Variants in QKI observed in about 807,000 individuals in gnomAD.
QKI encodes QKI, KH domain containing RNA binding.
In QKI, 10 loss-of-function variants were observed where a neutral mutation model predicts 39.0. That is an observed-to-expected ratio of 0.26 (90% CI 0.16 to 0.43). The LOEUF (loss-of-function observed/expected upper bound fraction) is 0.43, where lower values mean the gene tolerates loss of function less well. Ranked by LOEUF, QKI falls within the 20% of genes least tolerant of loss-of-function variation. The probability of loss-of-function intolerance (pLI) is 1.00; values close to 1 mark genes in which losing one functional copy is unlikely to be tolerated. For missense variants in QKI, 218 were observed against 428.0 expected, an observed-to-expected ratio of 0.51 and a Z score of 4.33; for synonymous variants, 204 against 155.4, an observed-to-expected ratio of 1.31 and a Z score of -2.33.
intron 4 of QKI, among the ~76,000 whole-genome samples, chr6:163,545,473 C>T (rs189985037): frequency 1.3e-5 from 2 of 152,218 alleles, no homozygotes; most frequent in East Asian, 3.9e-4. Flanking sequence ...AATCATTGAG[C>T]AGCTATATAA....
At chr6:163,547,850 C>T (rs1162971830) in intron 4 of QKI, among the ~76,000 whole-genome samples, 1 of 152,118 alleles carries the variant, frequency 6.6e-6, no homozygotes, top group Non-Finnish European at 1.5e-5. Context: ...GAGGCCAAAA[C>T]TATCTTTTTA....
intron 3 of QKI, among the ~76,000 whole-genome samples, chr6:163,488,731 G>T (rs980252559): frequency 6.6e-6 from 1 of 152,064 alleles, no homozygotes; most frequent in Non-Finnish European, 1.5e-5. Flanking sequence ...TGTAACAGTT[G>T]TGCTAGTATA....
At chr6:163,464,966 A>G (rs1288919042) in intron 2 of QKI, among the ~76,000 whole-genome samples, 1 of 152,220 alleles carries the variant, frequency 6.6e-6, no homozygotes, top group South Asian at 2.1e-4. Flanking sequence ...TGAATAGCAC[A>G]TTAAAAGGAG....
rs867788240 is a variant in QKI, at chr6:163,414,996, C to G, written c.-198C>G. 2,507 of 365,358 alleles carry G rather than the reference C, an allele frequency of 6.9e-3. 64 individuals carry two copies. The highest frequency in any genetic ancestry group is 0.053 in the African/African-American group (2,365 of 45,004). The allele number at this position is 365,358 out of a possible 1,614,324, so 22.6% of individuals were successfully genotyped here. A position where few individuals can be genotyped will look rare whatever the true frequency, so the allele number is the denominator to read the frequency against. On this transcript the variant is annotated 5_prime_UTR_variant, in exon 1 of 8. Transcript: ENST00000361752. ...CGGCTGGGAGCGCGTCGGGCCCGGG[C>G]GGAAAGTGCCTGCGGGGGGCGGGCG...
chr6:163,539,679 G>A (rs954218446), intron 4 of QKI, among the ~76,000 whole-genome samples: 4 of 152,160 alleles, frequency 2.6e-5, no homozygotes, highest in East Asian at 1.9e-4. Context: ...TACTTGAAGG[G>A]TAAGTCTCTT....
At chr6:163,568,184 A>C in intron 7 of QKI, 1 of 984,884 alleles carries the variant, frequency 1.0e-6, no homozygotes, top group Non-Finnish European at 1.2e-6. Context: ...TTCCATGAAT[A>C]ATTTGAGGTT....
intron 4 of QKI, among the ~76,000 whole-genome samples, chr6:163,560,264 G>A (rs1583222556): frequency 6.6e-6 from 1 of 152,172 alleles, no homozygotes; most frequent in Non-Finnish European, 1.5e-5. Flanking sequence ...TTTGTCGATA[G>A]GTTCTTGGAG....
At chr6:163,546,755 A>AT (rs2128244995) in intron 4 of QKI, among the ~76,000 whole-genome samples, 1 of 152,156 alleles carries the variant, frequency 6.6e-6, no homozygotes, top group South Asian at 2.1e-4. Context: ...AGCTCATTAT[A>AT]GCTTTATTTT....
chr6:163,548,465 A>T lies in QKI; in HGVS notation c.546+13340A>T, dbSNP rs185478415. ...AGGTTGCTCTGTTCTAAATCAATTA[A>T]TATCTATATATGTGTGATGGTCATA... On this transcript the variant is annotated intron_variant, in intron 4 of 7. Coordinates refer to ENST00000361752, the MANE Select transcript of QKI (RefSeq NM_006775.3). Among the ~76,000 whole-genome samples the T allele has an allele frequency of 5.1e-4, 77 of 152,348 alleles. 1 individual carries two copies. The highest frequency in any genetic ancestry group is 4.3e-3 in the South Asian group (21 of 4,830).
chr6:163,456,331 A>C (rs1056734026), intron 2 of QKI, among the ~76,000 whole-genome samples: 2 of 152,130 alleles, frequency 1.3e-5, no homozygotes, highest in Non-Finnish European at 1.5e-5. Context: ...GAAGAATATA[A>C]GGTGTACATA....
At chr6:163,480,359 A>C (rs9364688) in intron 3 of QKI, among the ~76,000 whole-genome samples, 64,097 of 151,772 alleles carry the variant, frequency 0.42, 16,805 homozygotes, top group East Asian at 0.72. Context: ...GTGTTAGACC[A>C]GTACGCTGAA....
At chr6:163,495,502 G>C (rs1195818356) in intron 3 of QKI, among the ~76,000 whole-genome samples, 1 of 152,142 alleles carries the variant, frequency 6.6e-6, no homozygotes, top group African/African-American at 2.4e-5. Context: ...CCCTGTCTTA[G>C]AGTGCATTTC....
At chr6:163,533,529 C>T (rs1027410615) in intron 3 of QKI, among the ~76,000 whole-genome samples, 7 of 152,098 alleles carry the variant, frequency 4.6e-5, no homozygotes, top group African/African-American at 1.7e-4. Flanking sequence ...TTTGTACTGC[C>T]ACCCTCTTTT....
Position 163,573,058 on chromosome 6 carries a change from A to G in QKI, c.*2348A>G, listed in dbSNP as rs1312946817. On this transcript the variant is annotated 3_prime_UTR_variant, in exon 8 of 8. Coordinates refer to ENST00000361752, the MANE Select transcript of QKI (RefSeq NM_006775.3). Reference sequence around the variant, plus strand: ...CATCTCAACTATGTTATACCTGGACATTTTAGATGTTTATCAAAGGTCTTT... The same window carrying G: ...CATCTCAACTATGTTATACCTGGACGTTTTAGATGTTTATCAAAGGTCTTT... The G allele has an allele frequency of 2.0e-5, 3 of 152,186 alleles. No individual in the cohort carries two copies. The highest frequency in any genetic ancestry group is 4.4e-5 in the Non-Finnish European group (3 of 68,020). 9.4% of individuals were successfully genotyped at this position (152,186 alleles called of 1,614,324 possible). A position where few individuals can be genotyped will look rare whatever the true frequency, so the allele number is the denominator to read the frequency against.
chr6:163,415,494 G>A (rs1032235575), intron 1 of QKI, among the ~76,000 whole-genome samples, 159 bp downstream of exon 1: 2 of 150,878 alleles, frequency 1.3e-5, no homozygotes, highest in Non-Finnish European at 3.0e-5. Context: ...GTGCCGGGCC[G>A]GGCTTGCGGC....
At chr6:163,501,421 A>G (rs1778756283) in intron 3 of QKI, among the ~76,000 whole-genome samples, 1 of 152,136 alleles carries the variant, frequency 6.6e-6, no homozygotes, top group African/African-American at 2.4e-5. Context: ...ATTTTTCTGG[A>G]TCTTATGCAT....
At chr6:163,424,894 G>A (rs1788292319) in intron 1 of QKI, among the ~76,000 whole-genome samples, 1 of 152,060 alleles carries the variant, frequency 6.6e-6, no homozygotes, top group African/African-American at 2.4e-5. Context: ...GCCTCCCAAA[G>A]TTCTGGGATT....
chr6:163,429,911 A>T (rs567553616), intron 1 of QKI, among the ~76,000 whole-genome samples: 1 of 152,318 alleles, frequency 6.6e-6, no homozygotes, highest in African/African-American at 2.4e-5. Flanking sequence ...AAGAATATGA[A>T]AATAAGAGTA....
At chr6:163,475,345 T>C (rs1046526200) in intron 2 of QKI, among the ~76,000 whole-genome samples, 1 of 152,302 alleles carries the variant, frequency 6.6e-6, no homozygotes, top group South Asian at 2.1e-4. Flanking sequence ...AAATTTTTTC[T>C]TGTCATTATT....
Sources: allele counts gnomAD v4.1 joint callset (sites outside exome capture counted in the v4.1 genomes callset), GRCh38; gene constraint gnomAD v4.1.1; transcripts MANE v1.5; gene names NCBI Gene and HGNC (gene_info 2026-07-23, HGNC 2026-07-21).